SLC22A4: variants seen among roughly 807,000 people sequenced by gnomAD.
The protein encoded by SLC22A4 is ET transporter.
SLC22A4 carries 39 observed loss-of-function variants against 56.6 expected under a neutral mutation model. That is an observed-to-expected ratio of 0.69 (90% CI 0.53 to 0.90). SLC22A4 has a LOEUF of 0.90. Ranked by LOEUF, SLC22A4 falls within the 40% of genes least tolerant of loss-of-function variation. The pLI is 0.00. For synonymous variants in SLC22A4, 241 were observed against 281.4 expected, an observed-to-expected ratio of 0.86 and a Z score of 1.44; for missense variants, 594 against 696.5, an observed-to-expected ratio of 0.85 and a Z score of 1.66.
Position 132,344,168 on chromosome 5 carries a change from T to C in SLC22A4, c.*333T>C. ...CATACAAATACTATCCAAATAAAAA[T>C]AACATCATTGTATTAACGCAAATAT... On this transcript the variant is annotated 3_prime_UTR_variant, in exon 10 of 10. Coordinates refer to ENST00000200652, the MANE Select transcript of SLC22A4 (RefSeq NM_003059.3). The C allele has an allele frequency of 4.0e-6, 1 of 249,606 alleles. No individual in the cohort carries two copies. The highest frequency in any genetic ancestry group is 7.7e-6 in the Non-Finnish European group (1 of 130,234). 15.5% of individuals were successfully genotyped at this position (249,606 alleles called of 1,614,324 possible).
chr5:132,294,467 C>A lies in SLC22A4; in HGVS notation c.-150C>A. 3.7e-6 allele frequency: 4 copies of A among 1,072,396 alleles called. No homozygotes were observed. Among genetic ancestry groups the A allele is most frequent in the Non-Finnish European group, 5.4e-6 (4 of 736,898 alleles). The allele number at this position is 1,072,396 out of a possible 1,614,324, so 66.4% of individuals were successfully genotyped here. A position where few individuals can be genotyped will look rare whatever the true frequency, so the allele number is the denominator to read the frequency against. ...ACGCCTTCAGCCTGTTTCCCAGGAA[C>A]GGTCCCCGGCTTCGCGCCCCAATTT... On this transcript the variant is annotated 5_prime_UTR_variant, in exon 1 of 10. Transcript: ENST00000200652. This position sits in a 1 kb window ranked among gnomAD's most constrained non-coding sequence, Gnocchi z 5.6.
chr5:132,340,525 C>T, intron 8 of SLC22A4, 40 bp from the exon 9 acceptor site: 1 of 1,603,146 alleles, frequency 6.2e-7, no homozygotes, highest in Non-Finnish European at 8.5e-7. Flanking sequence ...CCAGAGAGTC[C>T]TCCTATCTGA....
rs1180186087 is a variant in SLC22A4 at position 132,295,080 on chromosome 5, TC to T, written c.393+74del. 4.6e-6 allele frequency: 7 copies of T among 1,515,220 alleles called. No homozygotes were observed. The Admixed American group carries it at 1.4e-4, about 29-fold the overall frequency. 93.9% of individuals were successfully genotyped at this position (1,515,220 alleles called of 1,614,324 possible). ...CCTCTGCGTCAGCCCCCCTTGAGAC[TC>T]CCTGCGCAGTGCCCGGGTCAGCGCT... On this transcript the variant is annotated intron_variant, in intron 1 of 9. Transcript: ENST00000200652.
rs918363543 is a variant in SLC22A4 at position 132,294,453 on chromosome 5, C to T, written c.-164C>T. ...CCGGGAACGCTCCAACGCCTTCAGC[C>T]TGTTTCCCAGGAACGGTCCCCGGCT... On this transcript the variant is annotated 5_prime_UTR_variant, in exon 1 of 10. Transcript: ENST00000200652. This position sits in a 1 kb window ranked among gnomAD's most constrained non-coding sequence, Gnocchi z 5.6. 2.1e-6 allele frequency: 2 copies of T among 931,936 alleles called. No homozygotes were observed. The highest frequency in any genetic ancestry group is 3.3e-6 in the Non-Finnish European group (2 of 612,954). 57.7% of individuals were successfully genotyped at this position (931,936 alleles called of 1,614,324 possible).
chr5:132,340,783 A>G, intron 9 of SLC22A4, 83 bp downstream of exon 9: 2 of 1,331,216 alleles, frequency 1.5e-6, no homozygotes, highest in Non-Finnish European at 2.2e-6. Flanking sequence ...GTTCTGAAAT[A>G]GAAGAGTAAT....
At position 132,294,531 on chromosome 5, in the gene SLC22A4, C is replaced by G. The variant is rs558744755; in HGVS notation, c.-86C>G. 1 of 1,592,900 alleles carries G rather than the reference C, an allele frequency of 6.3e-7. No individual in the cohort carries two copies. Among genetic ancestry groups the G allele is most frequent in the African/African-American group, 1.3e-5 (1 of 74,686 alleles). On this transcript the variant is annotated 5_prime_UTR_variant, in exon 1 of 10. Coordinates refer to ENST00000200652, the MANE Select transcript of SLC22A4 (RefSeq NM_003059.3). This position sits in a 1 kb window ranked among gnomAD's most constrained non-coding sequence, Gnocchi z 5.6. ...TGTCCCCCGGGAACGTTCTAACATCCTTGGGGAGCGCCCCAGCTACAAGAC... is the reference window on the plus strand; with the variant it reads ...TGTCCCCCGGGAACGTTCTAACATCGTTGGGGAGCGCCCCAGCTACAAGAC...
chr5:132,322,121 T>C (rs1750559280), intron 3 of SLC22A4, 63 bp from the exon 4 acceptor site: 1 of 1,431,984 alleles, frequency 7.0e-7, no homozygotes, highest in African/African-American at 1.4e-5. Flanking sequence ...TGCCACATAA[T>C]GATATAAAAA....
chr5:132,332,929 C>T (rs1750909846), intron 6 of SLC22A4, among the ~76,000 whole-genome samples: 1 of 152,120 alleles, frequency 6.6e-6, no homozygotes, highest in South Asian at 2.1e-4. Context: ...ACATTTCAGC[C>T]TATATCCCTG....
chr5:132,319,438 A>AT (rs1262949950), intron 3 of SLC22A4, among the ~76,000 whole-genome samples: 1 of 152,110 alleles, frequency 6.6e-6, no homozygotes, highest in Non-Finnish European at 1.5e-5. Flanking sequence ...GCCCCCAGTA[A>AT]TTTTTTTCTT....
At chr5:132,311,064 A>G (rs929166798) in intron 1 of SLC22A4, among the ~76,000 whole-genome samples, 1 of 152,190 alleles carries the variant, frequency 6.6e-6, no homozygotes, top group African/African-American at 2.4e-5. Context: ...TGTCTGCTGC[A>G]GAATAAGGTG....
In SLC22A4 at chr5:132,344,011, G is replaced by T; in HGVS notation, c.*176G>T. The T allele has an allele frequency of 1.7e-6, 1 of 588,008 alleles. No homozygotes were observed. The highest frequency in any genetic ancestry group is 3.1e-6 in the Non-Finnish European group (1 of 327,262). 36.4% of individuals were successfully genotyped at this position (588,008 alleles called of 1,614,324 possible). A position where few individuals can be genotyped will look rare whatever the true frequency, so the allele number is the denominator to read the frequency against. On this transcript the variant is annotated 3_prime_UTR_variant, in exon 10 of 10. Transcript: ENST00000200652. ...GATGATTCTTCCAGATAATGTCCTT[G>T]CTTTACAAACCAACCATTTCTAGAG... is the stretch of plus-strand genomic sequence containing the variant.
intron 3 of SLC22A4, among the ~76,000 whole-genome samples, chr5:132,319,501 A>G (rs1294652657): frequency 6.6e-6 from 1 of 152,140 alleles, no homozygotes; most frequent in East Asian, 1.9e-4. Flanking sequence ...CTGGTGCACC[A>G]CTTATTATGT....
chr5:132,327,285 C>T lies in SLC22A4; in HGVS notation c.833C>T (p.Pro278Leu). The T allele has an allele frequency of 6.3e-7, 1 of 1,590,536 alleles. No homozygotes were observed. The highest frequency in any genetic ancestry group is 8.6e-7 in the Non-Finnish European group (1 of 1,163,952). Residue 278 changes from proline (P) to leucine (L), a missense_variant, in exon 5 of 10, where the codon CCT becomes CTT. By Grantham distance (98) the Pro-to-Leu change is moderately conservative. Transcript: ENST00000200652. ...VLCVPLWWFIPESPRWLISQR... is the reference protein window; with the variant it reads ...VLCVPLWWFILESPRWLISQR... ...TTAAAAATAAATTATAGGTTCATTC[C>T]TGAATCTCCCCGATGGCTGATATCC... is the stretch of plus-strand genomic sequence containing the variant.
In SLC22A4 at chr5:132,334,704, CCTT is replaced by C. The variant is rs1294357611; in HGVS notation, c.1047-7_1047-5del. 4 of 1,589,934 alleles carry C rather than the reference CCTT, an allele frequency of 2.5e-6. No individual in the cohort carries two copies. Among genetic ancestry groups the C allele is most frequent in the Non-Finnish European group, 3.5e-6 (4 of 1,157,948 alleles). On this transcript the variant is annotated splice_polypyrimidine_tract_variant and intron_variant, in intron 6 of 9. Coordinates refer to ENST00000200652, the MANE Select transcript of SLC22A4 (RefSeq NM_003059.3). ...TCACACCATCCCTTTGTCATTTTTA[CCTT>C]CTTCTTTCAGGATGCTGACCTCAGT...
chr5:132,303,849 C>T (rs1320232948), intron 1 of SLC22A4, among the ~76,000 whole-genome samples: 2 of 152,166 alleles, frequency 1.3e-5, no homozygotes, highest in Non-Finnish European at 2.9e-5. Flanking sequence ...CCCTGCCTAC[C>T]TCTCTACAAC....
At chr5:132,298,488 A>G (rs1580817528) in intron 1 of SLC22A4, among the ~76,000 whole-genome samples, 1 of 152,256 alleles carries the variant, frequency 6.6e-6, no homozygotes, top group African/African-American at 2.4e-5. Flanking sequence ...TCGTTGTTTC[A>G]TGGGTATAGA....
intron 3 of SLC22A4, among the ~76,000 whole-genome samples, chr5:132,316,306 T>C (rs1460467988): frequency 1.3e-5 from 2 of 152,158 alleles, no homozygotes; most frequent in African/African-American, 4.8e-5. Context: ...AGTGCTACCC[T>C]ACACAGCATA....
At chr5:132,343,368 G>A (rs1278123442) in intron 9 of SLC22A4, among the ~76,000 whole-genome samples, 5 of 152,186 alleles carry the variant, frequency 3.3e-5, no homozygotes, top group African/African-American at 1.2e-4. Flanking sequence ...GCCTGGCCTT[G>A]ATAAAGGTAA....
Position 132,343,902 on chromosome 5 carries a change from T to C in SLC22A4, c.*67T>C. 4 of 1,019,462 alleles carry C rather than the reference T, an allele frequency of 3.9e-6. No homozygotes were observed. In the Admixed American group the frequency reaches 5.7e-5, roughly 15 times the overall value. The allele number at this position is 1,019,462 out of a possible 1,614,324, so 63.2% of individuals were successfully genotyped here. A position where few individuals can be genotyped will look rare whatever the true frequency, so the allele number is the denominator to read the frequency against. On this transcript the variant is annotated 3_prime_UTR_variant, in exon 10 of 10. Coordinates refer to ENST00000200652, the MANE Select transcript of SLC22A4 (RefSeq NM_003059.3). Reference sequence around the variant, plus strand: ...TAAGACCCTGTGGAGAAATTCGTTGTTCCCACTGAAATGGACTGACTGTAA... The same window carrying C: ...TAAGACCCTGTGGAGAAATTCGTTGCTCCCACTGAAATGGACTGACTGTAA...
Sources: gnomAD v4.1 joint callset for allele counts (sites outside exome capture counted in the v4.1 genomes callset) on GRCh38, gnomAD v4.1.1 for gene constraint, Gnocchi (gnomAD v3.1) non-coding constraint, MANE v1.5 for transcripts, NCBI Gene and HGNC (gene_info 2026-07-23, HGNC 2026-07-21) for gene names.